PLEC: variants seen among roughly 807,000 people sequenced by gnomAD.
The protein encoded by PLEC is hemidesmosomal protein 1.
A neutral mutation model predicts 392.8 loss-of-function variants in PLEC; 216 were observed. The ratio of observed to expected loss-of-function variants is 0.55; its 90% CI spans 0.49 to 0.62. The LOEUF is 0.62. Among genes scored for constraint, PLEC ranks in the 20% least tolerant of loss-of-function variants. PLEC has a pLI of 0.00. For synonymous variants in PLEC, 3,621 were observed against 2,980.6 expected (o/e 1.21, Z -7.00); for missense variants, 6,863 against 6,563.4 (o/e 1.05, Z -1.58).
rs534430310 is a variant in PLEC at position 143,929,397 on chromosome 8, G to A, written c.3081+17C>T. The stretch of plus-strand genomic sequence containing the variant: ...TGGGGAGAGGGATGGGACTGGATGG[G>A]GGGGGACGGCCCCTGCCTGCTGCTC... On this transcript the variant is annotated intron_variant, in intron 24 of 31. Transcript: ENST00000345136. 1.0e-5 allele frequency: 16 copies of A among 1,561,692 alleles called. No individual in the cohort carries two copies. The highest frequency in any genetic ancestry group is 5.7e-5 in the Admixed American group (3 of 52,758).
rs1554723050 is a variant in PLEC at position 143,936,018 on chromosome 8, C to T, written c.436-4G>A. On this transcript the variant is annotated splice_polypyrimidine_tract_variant and splice_region_variant and intron_variant, in intron 5 of 31. Coordinates refer to ENST00000345136, the MANE Select transcript of PLEC (RefSeq NM_201384.3). ...CACTCACCTGGATATCTGAGATCTG[C>T]TCACAGCAGAGAGGAGGCCACAGCT... 3 of 1,611,276 alleles carry T rather than the reference C, an allele frequency of 1.9e-6. No homozygotes were observed. Among genetic ancestry groups the T allele is most frequent in the Admixed American group, 3.3e-5 (2 of 59,994 alleles).
chr8:143,917,804 G>A lies in PLEC; in HGVS notation c.12017C>T (p.Ser4006Leu), dbSNP rs200521669. Residue 4006 changes from serine to leucine, a missense_variant, in exon 32 of 32, where the codon TCG becomes TTG. Transcript: ENST00000345136. The stretch of plus-strand genomic sequence containing the variant: ...GTACCCAGTGACGGCGCGCTCGGCC[G>A]ACAGCAGCTTGTCCTTGAACTCGGG... ...VGPEFKDKLL[S>L]AERAVTGYKD... is the part of the protein sequence containing the mutation. 52 of 1,613,352 alleles carry A rather than the reference G, an allele frequency of 3.2e-5. No individual in the cohort carries two copies. Among genetic ancestry groups the A allele is most frequent in the Admixed American group, 8.3e-5 (5 of 59,988 alleles).
chr8:143,921,798 C>T lies in PLEC; in HGVS notation c.8023G>A (p.Gly2675Ser), dbSNP rs782019872. Residue 2675 changes from glycine (G) to serine (S), a missense_variant, in exon 32 of 32, where the codon GGC becomes AGC. Coordinates refer to ENST00000345136, the MANE Select transcript of PLEC (RefSeq NM_201384.3). Reference protein sequence around the residue: ...SAEELQRLAQGHTTVDELARR... With the variant: ...SAEELQRLAQSHTTVDELARR... Reference sequence around the variant, plus strand: ...GCGAGCTCGTCCACCGTGGTGTGGCCCTGCGCCAACCGCTGCAGCTCCTCC... The same window carrying T: ...GCGAGCTCGTCCACCGTGGTGTGGCTCTGCGCCAACCGCTGCAGCTCCTCC... 6.2e-7 allele frequency: 1 copy of T among 1,609,938 alleles called. No individual in the cohort carries two copies. Among genetic ancestry groups the T allele is most frequent in the Non-Finnish European group, 8.5e-7 (1 of 1,179,744 alleles).
upstream of PLEC, among the ~76,000 whole-genome samples, chr8:143,956,892 CGTCA>C (rs530891999): frequency 5.3e-5 from 8 of 152,298 alleles, no homozygotes; most frequent in South Asian, 1.5e-3. Context: ...GCCAGCTGCA[CGTCA>C]GTCAGCTCTG....
In PLEC at chr8:143,925,262, T is replaced by A. The variant is rs993414354; in HGVS notation, c.4667A>T (p.Glu1556Val). 6.3e-7 allele frequency: 1 copy of A among 1,581,492 alleles called. No homozygotes were observed. Among genetic ancestry groups the A allele is most frequent in the African/African-American group, 1.3e-5 (1 of 74,134 alleles). ...EEAERRLRQA[E>V]VERARQVQVA... ...CTGTACCTGCCGCGCTCGCTCCACC[T>A]CGGCCTGCCGCAGGCGCCGCTCCGC... The change falls in exon 31 of 32, where the codon GAG (glutamate) becomes GTG (valine). Residue 1556 changes from glutamate to valine, a missense_variant. Physicochemically the swap from Glu to Val is moderately radical, Grantham distance 121. Coordinates refer to ENST00000345136, the MANE Select transcript of PLEC (RefSeq NM_201384.3).
In PLEC at chr8:143,918,658, G is replaced by A; in HGVS notation, c.11163C>T (p.Arg3721=). The part of the protein sequence containing the change: ...KKGLLSAEVA[R]LLLEAQAATG... ...TGGCTGCCTGTGCCTCCAGCAGCAG[G>A]CGGGCCACCTCGGCACTCAGCAGCC... The change falls in exon 32 of 32, where the codon CGC becomes CGT. Residue 3721 remains arginine (R), a synonymous_variant. Coordinates refer to ENST00000345136, the MANE Select transcript of PLEC (RefSeq NM_201384.3). 2 of 1,612,862 alleles carry A rather than the reference G, an allele frequency of 1.2e-6. No homozygotes were observed. The highest frequency in any genetic ancestry group is 1.3e-5 in the African/African-American group (1 of 75,048).
Position 143,918,737 on chromosome 8 carries a change from A to C in PLEC, c.11084T>G (p.Val3695Gly). 2 of 1,612,908 alleles carry C rather than the reference A, an allele frequency of 1.2e-6. No individual in the cohort carries two copies. The highest frequency in any genetic ancestry group is 1.7e-6 in the Non-Finnish European group (2 of 1,179,964). Reference sequence around the variant, plus strand: ...TGTCTGCCTGGAACCGGGCAGGTAGACACCAGCCACGGAGCCCGTGCCATA... The same window carrying C: ...TGTCTGCCTGGAACCGGGCAGGTAGCCACCAGCCACGGAGCCCGTGCCATA... ...YLYGTGSVAG[V>G]YLPGSRQTLS... Residue 3695 changes from valine to glycine, a missense_variant, in exon 32 of 32, where the codon GTC (valine) becomes GGC (glycine). Val to Gly is a moderately radical substitution (Grantham distance 109). Coordinates refer to ENST00000345136, the MANE Select transcript of PLEC (RefSeq NM_201384.3).
At chr8:143,933,386 G>A (rs1176174110) in intron 12 of PLEC, 35 bp from the exon 13 acceptor site, 2 of 1,603,744 alleles carry the variant, frequency 1.2e-6, no homozygotes, top group African/African-American at 1.3e-5. Flanking sequence ...GAGCACAGCT[G>A]ATCCCCCTCT....
intron 1 of PLEC, 66 bp from the exon 2 acceptor site, chr8:143,938,758 C>T (rs1218497491): frequency 2.0e-5 from 28 of 1,378,894 alleles, no homozygotes; most frequent in Non-Finnish European, 2.7e-5. Flanking sequence ...AGGTGACCAC[C>T]GTGCAGACAC....
chr8:143,919,068 T>C lies in PLEC; in HGVS notation c.10753A>G (p.Met3585Val). 6.2e-7 allele frequency: 1 copy of C among 1,611,422 alleles called. No individual in the cohort carries two copies. Among genetic ancestry groups the C allele is most frequent in the Non-Finnish European group, 8.5e-7 (1 of 1,179,996 alleles). Residue 3585 changes from methionine to valine, a missense_variant, in exon 32 of 32, where the codon ATG becomes GTG. Physicochemically the swap from Met to Val is conservative, Grantham distance 21 (BLOSUM62 1). Coordinates refer to ENST00000345136, the MANE Select transcript of PLEC (RefSeq NM_201384.3). ...GACTGCATCACCTCCCACAGGGACATGGTGGAGCCGCCGTGGCTGCCGCCG... is the reference window on the plus strand; with the variant it reads ...GACTGCATCACCTCCCACAGGGACACGGTGGAGCCGCCGTGGCTGCCGCCG... ...PGGGSHGGSTMSLWEVMQSDL... is the reference protein window; with the variant it reads ...PGGGSHGGSTVSLWEVMQSDL...
intron 25 of PLEC, among the ~76,000 whole-genome samples, chr8:143,928,334 C>T (rs1342030730): frequency 6.6e-6 from 1 of 152,270 alleles, no homozygotes; most frequent in Non-Finnish European, 1.5e-5. Context: ...AGTTCTCAGC[C>T]CTTGCAGCCC....
In PLEC at chr8:143,938,132, G is replaced by A. The variant is rs782568699; in HGVS notation, c.264+19C>T. The A allele has an allele frequency of 3.8e-6, 6 of 1,585,896 alleles. No individual in the cohort carries two copies. Among genetic ancestry groups the A allele is most frequent in the East Asian group, 2.3e-5 (1 of 44,388 alleles). Reference sequence around the variant, plus strand: ...CAGGTGGGGCAGGCGGGGCCCGGAGGGGGCAGGGGCACACGTACCAGGCTG... The same window carrying A: ...CAGGTGGGGCAGGCGGGGCCCGGAGAGGGCAGGGGCACACGTACCAGGCTG... On this transcript the variant is annotated intron_variant, in intron 3 of 31. Coordinates refer to ENST00000345136, the MANE Select transcript of PLEC (RefSeq NM_201384.3).
chr8:143,954,337 C>CA (rs112078789), upstream of PLEC, among the ~76,000 whole-genome samples: 3 of 151,876 alleles, frequency 2.0e-5, no homozygotes, highest in African/African-American at 7.3e-5. The surrounding 1 kb of genome is among the most constrained non-coding windows in gnomAD (Gnocchi z 4.6). Flanking sequence ...GCCCCTTCCC[C>CA]GGGCGTCTCG....
chr8:143,937,754 G>A (rs1024902020), intron 3 of PLEC: 21 of 499,148 alleles, frequency 4.2e-5, no homozygotes, highest in East Asian at 2.3e-4. Context: ...CTCACCAGGC[G>A]TGAGCTCCTG....
At position 143,929,173 on chromosome 8, in the gene PLEC, G is replaced by A. The variant is rs371358671; in HGVS notation, c.3190C>T (p.Arg1064Cys). The change falls in exon 25 of 32, where the codon CGC becomes TGC. Residue 1064 changes from arginine to cysteine, a missense_variant. Transcript: ENST00000345136. The stretch of plus-strand genomic sequence containing the variant: ...CCCAGCGTCAGCTCCAGCTCCGAGC[G>A]CAGCGTGGGGGCCGCAGGCGATGGC... The part of the protein sequence containing the change: ...PEPSPAAPTL[R>C]SELELTLGKL... The A allele has an allele frequency of 3.0e-5, 48 of 1,595,802 alleles. No homozygotes were observed. The highest frequency in any genetic ancestry group is 6.7e-5 in the African/African-American group (5 of 74,940).
At position 143,919,369 on chromosome 8, in the gene PLEC, A is replaced by G. The variant is rs375787218; in HGVS notation, c.10452T>C (p.Pro3484=). The G allele has an allele frequency of 7.4e-6, 12 of 1,613,618 alleles. No homozygotes were observed. Among genetic ancestry groups the G allele is most frequent in the African/African-American group, 1.3e-5 (1 of 74,928 alleles). ...IIDPVHSHRV[P]VDVAYQRGYF... is the part of the protein sequence containing the mutation. ...AGCCGCGCTGGTAGGCCACGTCCACAGGCACGCGGTGGCTGTGCACGGGGT... is the reference window on the plus strand; with the variant it reads ...AGCCGCGCTGGTAGGCCACGTCCACGGGCACGCGGTGGCTGTGCACGGGGT... Residue 3484 remains proline (P), a synonymous_variant, in exon 32 of 32, where the codon CCT becomes CCC. Transcript: ENST00000345136.
In PLEC at chr8:143,973,278, G is replaced by A. The variant is rs964212671; in HGVS notation, c.70+125C>T. 675 of 1,220,820 alleles carry A rather than the reference G, an allele frequency of 5.5e-4. 9 individuals carry two copies. The East Asian group carries it at 0.022, about 39-fold the overall frequency. The allele number at this position is 1,220,820 out of a possible 1,614,324, so 75.6% of individuals were successfully genotyped here. ...CTGGCAGCCGTTGGGGGCGATCCAG[G>A]CGGACGAGGCCGGCGGAGTGGCCGC... is the stretch of plus-strand genomic sequence containing the variant. On this transcript the variant is annotated intron_variant, in intron 1 of 31. Transcript: ENST00000356346. This position sits in a 1 kb window ranked among gnomAD's most constrained non-coding sequence, Gnocchi z 5.6.
chr8:143,960,381 T>C (rs1375090185), intron 1 of PLEC, among the ~76,000 whole-genome samples: 3 of 150,306 alleles, frequency 2.0e-5, no homozygotes, highest in Non-Finnish European at 3.0e-5. Context: ...CTTTGGGAGG[T>C]CAAGGCGGGC....
upstream of PLEC, chr8:143,943,852 A>C: frequency 3.1e-6 from 5 of 1,612,224 alleles, no homozygotes; most frequent in Non-Finnish European, 4.2e-6. Context: ...CGTGACCCAC[A>C]ACCACCAGGG....
Sources: allele counts gnomAD v4.1 joint callset (sites outside exome capture counted in the v4.1 genomes callset), GRCh38; gene constraint gnomAD v4.1.1; non-coding constraint Gnocchi (gnomAD v3.1); transcripts MANE v1.5; gene names NCBI Gene and HGNC (gene_info 2026-07-23, HGNC 2026-07-21).